The following CNTLN variants were observed in gnomAD, a reference collection of about 807,000 sequenced individuals.
The protein encoded by CNTLN is centlein.
Under a neutral mutation model 180.0 loss-of-function variants are expected in CNTLN, and 212 were observed. The observed-to-expected ratio is 1.18, with a 90% confidence interval of 1.05 to 1.32. CNTLN has a LOEUF of 1.32. Ranked by LOEUF, CNTLN falls within the 40% of genes most tolerant of loss-of-function variation. The pLI is 0.00. For synonymous variants in CNTLN, 722 were observed against 563.1 expected (o/e 1.28, Z -3.99); for missense variants, 2,095 against 1,610.9 (o/e 1.30, Z -5.14).
chr9:17,203,611 C>T lies in CNTLN; in HGVS notation c.450-22592C>T, dbSNP rs545153635. Among the ~76,000 whole-genome samples the T allele has an allele frequency of 2.3e-3, 351 of 152,244 alleles. 1 individual carries two copies. Among genetic ancestry groups the T allele is most frequent in the Non-Finnish European group, 4.4e-3 (299 of 68,010 alleles). ...TCACTCTGTCGCCAAGGCTGGAGTGCAGTGGCGCGATCTCGGCTCACTGCA... is the reference window on the plus strand; with the variant it reads ...TCACTCTGTCGCCAAGGCTGGAGTGTAGTGGCGCGATCTCGGCTCACTGCA... On this transcript the variant is annotated intron_variant, in intron 2 of 25. Transcript: ENST00000380647.
intron 13 of CNTLN, among the ~76,000 whole-genome samples, chr9:17,376,783 G>A (rs1473115372): frequency 6.6e-6 from 1 of 152,076 alleles, no homozygotes; most frequent in Non-Finnish European, 1.5e-5. Flanking sequence ...ATACGGAGAA[G>A]GCTAGATGGG....
chr9:17,462,582 ATCT>A (rs1272881768), intron 19 of CNTLN, among the ~76,000 whole-genome samples: 1 of 151,736 alleles, frequency 6.6e-6, no homozygotes, highest in Non-Finnish European at 1.5e-5. Context: ...GTTTTAAGTG[ATCT>A]TCTTAAATCA....
At chr9:17,152,543 G>T (rs866725804) in intron 2 of CNTLN, among the ~76,000 whole-genome samples, 1 of 152,230 alleles carries the variant, frequency 6.6e-6, no homozygotes, top group South Asian at 2.1e-4. Flanking sequence ...TTTGATTTCT[G>T]TTCTTTTGCA....
At chr9:17,458,343 T>C (rs1403822459) in intron 19 of CNTLN, among the ~76,000 whole-genome samples, 1 of 151,972 alleles carries the variant, frequency 6.6e-6, no homozygotes, top group African/African-American at 2.4e-5. Context: ...TCACACTTAA[T>C]TGGAAAGTTC....
chr9:17,249,163 A>T (rs539751898), intron 5 of CNTLN, among the ~76,000 whole-genome samples: 1 of 152,184 alleles, frequency 6.6e-6, no homozygotes, highest in African/African-American at 2.4e-5. Context: ...CAAGATACAA[A>T]CTTAGGATAT....
chr9:17,254,585 A>G (rs780120608), intron 5 of CNTLN, among the ~76,000 whole-genome samples: 1 of 151,066 alleles, frequency 6.6e-6, no homozygotes, highest in Non-Finnish European at 1.5e-5. Flanking sequence ...TGGTCTTGGT[A>G]CCTTTGTGAA....
rs547042966 is a variant in CNTLN at position 17,442,635 on chromosome 9, G to T, written c.3115-14889G>T. The stretch of plus-strand genomic sequence containing the variant: ...GCTGGTCTCAAACTCCTGACCTCAA[G>T]TGATTCACTCGCCTTGGCCTCTTAA... On this transcript the variant is annotated intron_variant, in intron 18 of 25. Coordinates refer to ENST00000380647, the MANE Select transcript of CNTLN (RefSeq NM_017738.4). Among the ~76,000 whole-genome samples the T allele has an allele frequency of 4.6e-5, 7 of 152,308 alleles. No homozygotes were observed. In the East Asian group the frequency reaches 1.4e-3, roughly 29 times the overall value.
intron 1 of CNTLN, among the ~76,000 whole-genome samples, chr9:17,136,154 C>A (rs931261651): frequency 6.6e-6 from 1 of 152,136 alleles, no homozygotes; most frequent in Non-Finnish European, 1.5e-5. Context: ...ATTGAATTTT[C>A]CTTTAGTTTT....
intron 25 of CNTLN, among the ~76,000 whole-genome samples, chr9:17,491,180 T>G (rs938716468): frequency 1.3e-5 from 2 of 152,050 alleles, no homozygotes; most frequent in African/African-American, 4.8e-5. Flanking sequence ...ATAAAGGCAA[T>G]GAAAATAATT....
chr9:17,350,917 A>G (rs1415548826), intron 12 of CNTLN, among the ~76,000 whole-genome samples: 2 of 152,204 alleles, frequency 1.3e-5, no homozygotes, highest in Non-Finnish European at 2.9e-5. Flanking sequence ...CACATATGTC[A>G]CATACAGATT....
intron 18 of CNTLN, among the ~76,000 whole-genome samples, chr9:17,418,164 C>T (rs1828411552): frequency 1.3e-5 from 2 of 151,876 alleles, no homozygotes; most frequent in African/African-American, 2.4e-5. Flanking sequence ...GGTCCAAGAA[C>T]ATCTAATATT....
chr9:17,242,775 C>T (rs936214919), intron 5 of CNTLN, among the ~76,000 whole-genome samples: 4 of 152,130 alleles, frequency 2.6e-5, no homozygotes, highest in Admixed American at 6.5e-5. Flanking sequence ...TTTTTGGTAT[C>T]AGTGTTCATC....
At chr9:17,348,282 A>G (rs1039672555) in intron 12 of CNTLN, among the ~76,000 whole-genome samples, 1 of 152,190 alleles carries the variant, frequency 6.6e-6, no homozygotes, top group Non-Finnish European at 1.5e-5. Flanking sequence ...AGCATTGTAA[A>G]TCAGTGATTA....
chr9:17,377,227 G>A (rs986756701), intron 13 of CNTLN, among the ~76,000 whole-genome samples: 2 of 151,656 alleles, frequency 1.3e-5, no homozygotes, highest in African/African-American at 2.4e-5. Flanking sequence ...CTTTCTTTTC[G>A]TATGTTTCTT....
chr9:17,149,731 A>T (rs576419814), intron 2 of CNTLN, among the ~76,000 whole-genome samples: 6 of 151,810 alleles, frequency 4.0e-5, no homozygotes, highest in Admixed American at 3.9e-4. Flanking sequence ...GTTAGCCAGG[A>T]TGGTCTCGAT....
intron 18 of CNTLN, among the ~76,000 whole-genome samples, chr9:17,433,931 A>G (rs2133997250): frequency 6.6e-6 from 1 of 152,308 alleles, no homozygotes; most frequent in East Asian, 1.9e-4. Context: ...ACTTTTTGAA[A>G]TTTATGGAGA....
chr9:17,198,000 C>T (rs1822245828), intron 2 of CNTLN, among the ~76,000 whole-genome samples: 2 of 152,194 alleles, frequency 1.3e-5, no homozygotes. Context: ...ACTCTCCTTT[C>T]CCCAATGTAT....
At chr9:17,312,344 T>TATATAC in intron 8 of CNTLN, among the ~76,000 whole-genome samples, 1 of 9,402 alleles carries the variant, frequency 1.1e-4, no homozygotes, top group Non-Finnish European at 3.8e-4. Context: ...TTACTGTATT[T>TATATAC]ATATATATAT....
At chr9:17,507,125 TC>T (rs1225053902), downstream of CNTLN, among the ~76,000 whole-genome samples, 1 of 152,164 alleles carries the variant, frequency 6.6e-6, no homozygotes, top group African/African-American at 2.4e-5. Flanking sequence ...ACATAGTTTT[TC>T]AACCCTCTCT....
Sources: allele counts gnomAD v4.1 joint callset (sites outside exome capture counted in the v4.1 genomes callset), GRCh38; gene constraint gnomAD v4.1.1; transcripts MANE v1.5; gene names NCBI Gene and HGNC (gene_info 2026-07-23, HGNC 2026-07-21).